The following ANKS1B variants were observed in gnomAD, a reference collection of about 807,000 sequenced individuals.
ANKS1B encodes the protein ankyrin repeat and sterile alpha motif domain containing 1B, also known as ankyrin repeat and sterile alpha motif domain-containing protein 1B.
In ANKS1B, 36 loss-of-function variants were observed where a neutral mutation model predicts 148.3. That is an observed-to-expected ratio of 0.24 (90% CI 0.19 to 0.32). The LOEUF is 0.32. ANKS1B is among the 10% of genes least tolerant of loss of function. The pLI is 1.00. For synonymous variants in ANKS1B, 542 were observed against 560.8 expected, an observed-to-expected ratio of 0.97 and a Z score of 0.47; for missense variants, 1,157 against 1,542.6, an observed-to-expected ratio of 0.75 and a Z score of 4.19.
At chr12:99,888,253 T>G (rs2092925565) in intron 1 of ANKS1B, among the ~76,000 whole-genome samples, 1 of 152,186 alleles carries the variant, frequency 6.6e-6, no homozygotes, top group African/African-American at 2.4e-5. Flanking sequence ...AGTCCAAATG[T>G]CTCTTTACAA....
At chr12:99,078,020 T>G (rs11837395) in intron 16 of ANKS1B, among the ~76,000 whole-genome samples, 11,714 of 152,166 alleles carry the variant, frequency 0.077, 1,090 homozygotes, top group African/African-American at 0.22. Flanking sequence ...ACAGTTTTTT[T>G]GGGGGGTGAG....
chr12:99,283,622 A>G (rs1435227957), intron 12 of ANKS1B, among the ~76,000 whole-genome samples: 1 of 152,184 alleles, frequency 6.6e-6, no homozygotes, highest in East Asian at 1.9e-4. Flanking sequence ...AGTGCTATGG[A>G]AGAACTATCT....
chr12:99,817,248 T>C (rs560541285), intron 2 of ANKS1B, among the ~76,000 whole-genome samples: 5 of 150,818 alleles, frequency 3.3e-5, no homozygotes, highest in Non-Finnish European at 7.4e-5. Flanking sequence ...CTCCCACATA[T>C]GAGTGAGAGC....
At chr12:99,900,926 T>C (rs2093577456) in intron 1 of ANKS1B, among the ~76,000 whole-genome samples, 1 of 152,236 alleles carries the variant, frequency 6.6e-6, no homozygotes, top group Non-Finnish European at 1.5e-5. Context: ...CATTTTGCCA[T>C]TATATAATTT....
At chr12:99,386,650 G>A (rs1281839759) in intron 12 of ANKS1B, among the ~76,000 whole-genome samples, 1 of 152,190 alleles carries the variant, frequency 6.6e-6, no homozygotes, top group Non-Finnish European at 1.5e-5. Context: ...GCTTTCTAGA[G>A]TGAAATTAAT....
At position 98,807,929 on chromosome 12, in the gene ANKS1B, C is replaced by A; in HGVS notation, c.3067-11G>T. On this transcript the variant is annotated splice_polypyrimidine_tract_variant and intron_variant, in intron 19 of 26. Coordinates refer to ENST00000683438, the MANE Select transcript of ANKS1B (RefSeq NM_001352186.2). ...ACAGACAGACGACTGCTGATATAAA[C>A]AGAAAACTATCTTATCTTGTCAATA... 1 of 1,608,294 alleles carries A rather than the reference C, an allele frequency of 6.2e-7. No individual in the cohort carries two copies. Among genetic ancestry groups the A allele is most frequent in the Non-Finnish European group, 8.5e-7 (1 of 1,175,898 alleles).
chr12:99,688,171 A>T (rs1176204916), intron 8 of ANKS1B, among the ~76,000 whole-genome samples: 2 of 152,146 alleles, frequency 1.3e-5, no homozygotes, highest in African/African-American at 4.8e-5. Flanking sequence ...AGAACCGCTG[A>T]GTATTGCTTT....
chr12:99,049,994 T>C (rs973693850), intron 17 of ANKS1B, among the ~76,000 whole-genome samples: 4 of 152,158 alleles, frequency 2.6e-5, no homozygotes, highest in Non-Finnish European at 1.5e-5. Flanking sequence ...AGCAATCTGG[T>C]TCCCTTAAAA....
chr12:99,369,771 T>C (rs1313331583), intron 12 of ANKS1B, among the ~76,000 whole-genome samples: 3 of 142,910 alleles, frequency 2.1e-5, no homozygotes, highest in Middle Eastern at 3.5e-3. Context: ...GATAGATAGA[T>C]AGATAGATAG....
At chr12:99,915,186 T>C (rs887326017) in intron 1 of ANKS1B, among the ~76,000 whole-genome samples, 9 of 146,330 alleles carry the variant, frequency 6.2e-5, no homozygotes, top group African/African-American at 2.3e-4. Context: ...GGTCGCACCA[T>C]TGCACTCCAG....
intron 8 of ANKS1B, among the ~76,000 whole-genome samples, chr12:99,724,713 C>T (rs1420212520): frequency 6.6e-6 from 1 of 151,970 alleles, no homozygotes; most frequent in East Asian, 1.9e-4. Flanking sequence ...ATTAGATTCT[C>T]CAAGGTCGAA....
intron 9 of ANKS1B, among the ~76,000 whole-genome samples, chr12:99,511,388 C>T (rs2096764295): frequency 6.6e-6 from 1 of 151,938 alleles, no homozygotes; most frequent in Admixed American, 6.6e-5. Context: ...AGGAGAACTA[C>T]AAACCACTGT....
At chr12:98,782,062 A>T (rs7954506) in intron 23 of ANKS1B, 64 bp downstream of exon 23, 1 of 1,343,664 alleles carries the variant, frequency 7.4e-7, no homozygotes, top group Non-Finnish European at 1.0e-6. Context: ...ACCAGCAGTC[A>T]GTTTACTTCA....
intron 17 of ANKS1B, chr12:98,895,016 C>T (rs1403297712): frequency 2.4e-5 from 20 of 827,712 alleles, no homozygotes; most frequent in South Asian, 1.6e-4. Flanking sequence ...GGCGCGTCCT[C>T]CCCCGAACGC....
chr12:99,881,209 CAA>C (rs1189583632), intron 1 of ANKS1B, among the ~76,000 whole-genome samples: 5 of 152,178 alleles, frequency 3.3e-5, no homozygotes, highest in East Asian at 1.9e-4. Flanking sequence ...GGTAGGAAAA[CAA>C]AGAGATTTCT....
chr12:99,663,527 T>C (rs1031467534), intron 8 of ANKS1B, among the ~76,000 whole-genome samples: 3 of 152,130 alleles, frequency 2.0e-5, no homozygotes, highest in Non-Finnish European at 2.9e-5. Context: ...TGCTGAAAAA[T>C]AAAATTTCTC....
At chr12:99,124,838 A>G (rs1281562661) in intron 15 of ANKS1B, among the ~76,000 whole-genome samples, 1 of 152,214 alleles carries the variant, frequency 6.6e-6, no homozygotes, top group Non-Finnish European at 1.5e-5. Flanking sequence ...GGAATTTATC[A>G]GTTAAGTCAA....
chr12:99,235,683 T>C (rs1308274844), intron 14 of ANKS1B, among the ~76,000 whole-genome samples: 2 of 152,210 alleles, frequency 1.3e-5, no homozygotes, highest in Non-Finnish European at 2.9e-5. Flanking sequence ...ACTAAACATA[T>C]GTATGAAATT....
intron 9 of ANKS1B, among the ~76,000 whole-genome samples, chr12:99,510,546 G>A (rs2096754670): frequency 6.6e-6 from 1 of 151,964 alleles, no homozygotes; most frequent in South Asian, 2.1e-4. Context: ...GGACTGAATT[G>A]CTGTAATCCC....
Sources: gnomAD v4.1 joint callset for allele counts (sites outside exome capture counted in the v4.1 genomes callset) on GRCh38, gnomAD v4.1.1 for gene constraint, MANE v1.5 for transcripts, NCBI Gene and HGNC (gene_info 2026-07-23, HGNC 2026-07-21) for gene names.